CDH22: variants seen among roughly 807,000 people sequenced by gnomAD.
CDH22 encodes cadherin 22.
Under a neutral mutation model 58.4 loss-of-function variants are expected in CDH22, and 30 were observed. The observed-to-expected ratio is 0.51, with a 90% CI of 0.38 to 0.70. The LOEUF is 0.70. CDH22 is among the 30% of genes least tolerant of loss of function. The probability of loss-of-function intolerance (pLI) is 0.00; values close to 1 mark genes in which losing one functional copy is unlikely to be tolerated. For synonymous variants in CDH22, 513 were observed against 558.2 expected (o/e 0.92, Z 1.14); for missense variants, 1,014 against 1,233.9 (o/e 0.82, Z 2.67).
rs956829356 is a variant in CDH22, at chr20:46,251,590, C to A, written c.-296G>T. 34 of 246,648 alleles carry A rather than the reference C, an allele frequency of 1.4e-4. No homozygotes were observed. The highest frequency in any genetic ancestry group is 7.5e-4 in the African/African-American group (33 of 44,106). 15.3% of individuals were successfully genotyped at this position (246,648 alleles called of 1,614,324 possible). A position where few individuals can be genotyped will look rare whatever the true frequency, so the allele number is the denominator to read the frequency against. On this transcript the variant is annotated 5_prime_UTR_variant, in exon 2 of 12. Transcript: ENST00000537909. This position sits in a 1 kb window ranked among gnomAD's most constrained non-coding sequence, Gnocchi z 6.7. ...TGCGGATCACCAGGCAGCACCTGGA[C>A]AGCTCCAGAGTCGGGGAAGCGCCAT...
At chr20:46,275,356 C>A (rs2086512609) in intron 1 of CDH22, among the ~76,000 whole-genome samples, 1 of 152,150 alleles carries the variant, frequency 6.6e-6, no homozygotes, top group African/African-American at 2.4e-5. Context: ...CCCTCCCTTG[C>A]CATCTGACTA....
At chr20:46,228,471 G>A (rs1186409675) in intron 3 of CDH22, among the ~76,000 whole-genome samples, 3 of 151,998 alleles carry the variant, frequency 2.0e-5, no homozygotes, top group African/African-American at 7.2e-5. Context: ...AGCTTCTTTT[G>A]GTCTGTCCCA....
At chr20:46,294,986 T>C (rs534115527) in intron 1 of CDH22, among the ~76,000 whole-genome samples, 1 of 152,326 alleles carries the variant, frequency 6.6e-6, no homozygotes, top group Non-Finnish European at 1.5e-5. Context: ...CATTCTCTGC[T>C]CACTGTCTGG....
rs2085975323 is a variant in CDH22 at position 46,203,294 on chromosome 20, G to A, written c.1287-3735C>T. On this transcript the variant is annotated intron_variant, in intron 7 of 11. Coordinates refer to ENST00000537909, the MANE Select transcript of CDH22 (RefSeq NM_021248.3). Reference sequence around the variant, plus strand: ...AGGGAGGGGTGGGAGGAAGCAGTGTGTGGCAGGGACTGTGGCCTGGCAAAC... The same window carrying A: ...AGGGAGGGGTGGGAGGAAGCAGTGTATGGCAGGGACTGTGGCCTGGCAAAC... Among the ~76,000 whole-genome samples the A allele has an allele frequency of 3.3e-5, 5 of 150,724 alleles. No homozygotes were observed. In the South Asian group the frequency reaches 1.1e-3, roughly 32 times the overall value.
chr20:46,226,145 C>T (rs2086169582), intron 4 of CDH22, among the ~76,000 whole-genome samples: 1 of 152,142 alleles, frequency 6.6e-6, no homozygotes, highest in Non-Finnish European at 1.5e-5. Context: ...CCCCTCATGC[C>T]CCAGGCTGTT....
intron 2 of CDH22, among the ~76,000 whole-genome samples, chr20:46,247,832 C>T (rs981666897): frequency 1.2e-4 from 18 of 152,186 alleles, no homozygotes; most frequent in African/African-American, 4.3e-4. Flanking sequence ...TCTTCTCCCT[C>T]CCTGGATGGA....
Position 46,174,960 on chromosome 20 carries a change from T to C in CDH22, c.2033A>G (p.Gln678Arg). ...CGACATGTCGTAGGCTTCGGTGTCC[T>C]GCTCGCCGCCGCCTTCGTCGTTGTA... ...IKYNDEGGGE[Q>R]DTEAYDMSAL... The change falls in exon 12 of 12, where the codon CAG (glutamine) becomes CGG (arginine). Residue 678 changes from glutamine to arginine, a missense_variant. Around this residue, in one of 2 missense-constraint regions of CDH22, gnomAD observed 806 missense variants for 1,038.7 expected, o/e 0.78. Coordinates refer to ENST00000537909, the MANE Select transcript of CDH22 (RefSeq NM_021248.3). This position sits in a 1 kb window ranked among gnomAD's most constrained non-coding sequence, Gnocchi z 4.4. 6.3e-7 allele frequency: 1 copy of C among 1,598,850 alleles called. No individual in the cohort carries two copies. Among genetic ancestry groups the C allele is most frequent in the South Asian group, 1.1e-5 (1 of 90,798 alleles).
chr20:46,209,942 G>C (rs528001752), intron 7 of CDH22: 8 of 221,462 alleles, frequency 3.6e-5, no homozygotes, highest in African/African-American at 1.8e-4. Flanking sequence ...GGAGAAGACT[G>C]GGGGAGTCCT....
chr20:46,242,073 G>A (rs1236024845), intron 2 of CDH22, among the ~76,000 whole-genome samples: 3 of 152,246 alleles, frequency 2.0e-5, no homozygotes, highest in Non-Finnish European at 4.4e-5. Context: ...AGTGAAGGGA[G>A]AGAGGAGGAA....
chr20:46,242,421 T>A (rs879734199), intron 2 of CDH22, among the ~76,000 whole-genome samples: 31 of 152,252 alleles, frequency 2.0e-4, no homozygotes, highest in Non-Finnish European at 2.1e-4. Context: ...TCACTTTGCC[T>A]CTCTGGCCCT....
chr20:46,237,555 A>G (rs2086262055), intron 3 of CDH22, among the ~76,000 whole-genome samples: 1 of 152,030 alleles, frequency 6.6e-6, no homozygotes, highest in African/African-American at 2.4e-5. Context: ...CTTCCCCTTC[A>G]AATAGTTGCT....
At chr20:46,225,073 A>G (rs1216936600) in intron 4 of CDH22, among the ~76,000 whole-genome samples, 1 of 152,250 alleles carries the variant, frequency 6.6e-6, no homozygotes, top group Non-Finnish European at 1.5e-5. Context: ...AGTAGTCATC[A>G]GTGAACCTGC....
intron 1 of CDH22, among the ~76,000 whole-genome samples, chr20:46,265,000 C>T (rs2086451737): frequency 6.6e-6 from 1 of 152,194 alleles, no homozygotes; most frequent in South Asian, 2.1e-4. Flanking sequence ...ACCTCAGGTG[C>T]CCCTGGCCTG....
intron 4 of CDH22, 75 bp downstream of exon 4, chr20:46,227,433 C>A: frequency 7.3e-7 from 1 of 1,373,802 alleles, no homozygotes; most frequent in African/African-American, 1.4e-5. Context: ...GAGCAGACGT[C>A]TGGGGTGGTC....
At chr20:46,261,728 G>T (rs1335766070) in intron 1 of CDH22, among the ~76,000 whole-genome samples, 1 of 152,134 alleles carries the variant, frequency 6.6e-6, no homozygotes, top group Non-Finnish European at 1.5e-5. Context: ...GTGCTTGGCT[G>T]CCATCTTCTC....
intron 1 of CDH22, among the ~76,000 whole-genome samples, chr20:46,280,226 C>G (rs1264532408): frequency 6.6e-6 from 1 of 152,162 alleles, no homozygotes; most frequent in Non-Finnish European, 1.5e-5. Flanking sequence ...TTGAGACCAG[C>G]CTGATCAATA....
At chr20:46,288,272 G>T (rs946170284) in intron 1 of CDH22, among the ~76,000 whole-genome samples, 11 of 152,048 alleles carry the variant, frequency 7.2e-5, no homozygotes, top group East Asian at 3.9e-4. Flanking sequence ...CCCCAGATTT[G>T]GTCTCTCTCC....
intron 2 of CDH22, among the ~76,000 whole-genome samples, chr20:46,250,742 G>A (rs1342412164): frequency 2.0e-5 from 3 of 152,186 alleles, no homozygotes; most frequent in African/African-American, 7.2e-5. Flanking sequence ...GTATGTGTGT[G>A]AGATGATCGG....
intron 8 of CDH22, among the ~76,000 whole-genome samples, chr20:46,188,360 G>A (rs1395955001): frequency 6.6e-6 from 1 of 152,106 alleles, no homozygotes. Context: ...ACCTCCCTGT[G>A]CCTCAATTTT....
Sources: allele counts gnomAD v4.1 joint callset (sites outside exome capture counted in the v4.1 genomes callset), GRCh38; gene constraint gnomAD v4.1.1; regional missense constraint gnomAD v4.1.1; non-coding constraint Gnocchi (gnomAD v3.1); transcripts MANE v1.5; gene names NCBI Gene and HGNC (gene_info 2026-07-23, HGNC 2026-07-21).